Variants in CSMD1 observed in about 807,000 individuals in gnomAD.
CSMD1 encodes the protein CUB and sushi domain-containing protein 1.
CSMD1 carries 213 observed loss-of-function variants against 417.5 expected under a neutral mutation model. That is an observed-to-expected ratio of 0.51 (90% CI 0.46 to 0.57). CSMD1 has a LOEUF of 0.57. Ranked by LOEUF, CSMD1 falls within the 20% of genes least tolerant of loss-of-function variation. The probability of loss-of-function intolerance (pLI) is 0.00; values close to 1 mark genes in which losing one functional copy is unlikely to be tolerated. For missense variants in CSMD1, 6,923 were observed against 4,529.7 expected (o/e 1.53, Z -15.17); for synonymous variants, 2,862 against 1,736.8 (o/e 1.65, Z -16.11).
chr8:4,416,245 A>G (rs915159622), intron 3 of CSMD1, among the ~76,000 whole-genome samples: 3 of 152,194 alleles, frequency 2.0e-5, no homozygotes, highest in African/African-American at 2.4e-5. Flanking sequence ...ATTATGTACA[A>G]AACTTCTATT....
chr8:4,766,426 G>A (rs774554842), intron 1 of CSMD1, among the ~76,000 whole-genome samples: 12 of 152,132 alleles, frequency 7.9e-5, no homozygotes, highest in East Asian at 1.9e-4. Flanking sequence ...GTTCTCCTTC[G>A]ATCACGAATA....
At chr8:3,702,768 G>A (rs1476123711) in intron 7 of CSMD1, among the ~76,000 whole-genome samples, 1 of 152,184 alleles carries the variant, frequency 6.6e-6, no homozygotes, top group South Asian at 2.1e-4. Context: ...GGAGGTGCAG[G>A]TTGCAGTTAG....
At chr8:3,970,810 G>C (rs1813029213) in intron 5 of CSMD1, among the ~76,000 whole-genome samples, 1 of 151,950 alleles carries the variant, frequency 6.6e-6, no homozygotes, top group African/African-American at 2.4e-5. Context: ...TGGAGTCCAG[G>C]GGCACCATCT....
chr8:3,784,187 T>C (rs549594623), intron 5 of CSMD1, among the ~76,000 whole-genome samples: 1 of 152,286 alleles, frequency 6.6e-6, no homozygotes, highest in South Asian at 2.1e-4. Context: ...TGTCACACCT[T>C]GGGAAAGGGG....
chr8:4,624,432 A>G (rs889889091), intron 2 of CSMD1, among the ~76,000 whole-genome samples: 3 of 152,126 alleles, frequency 2.0e-5, no homozygotes, highest in Non-Finnish European at 2.9e-5. Context: ...CCTCTCTGGA[A>G]TTACCAGCAT....
intron 2 of CSMD1, among the ~76,000 whole-genome samples, chr8:4,471,896 C>T (rs1226682754): frequency 1.3e-5 from 2 of 152,080 alleles, no homozygotes; most frequent in Admixed American, 6.5e-5. Context: ...GGGTAGGCTA[C>T]AAAGGTGTTT....
At chr8:3,355,079 A>G (rs553919793) in intron 21 of CSMD1, among the ~76,000 whole-genome samples, 22 of 152,006 alleles carry the variant, frequency 1.4e-4, no homozygotes, top group Admixed American at 3.9e-4. Flanking sequence ...AAAACTGAGG[A>G]TAAGGGTGTT....
chr8:4,378,406 A>G (rs544940555), intron 3 of CSMD1, among the ~76,000 whole-genome samples: 5 of 152,360 alleles, frequency 3.3e-5, no homozygotes, highest in South Asian at 4.1e-4. Flanking sequence ...GTTGGCTTAA[A>G]ACAGAAGAGC....
intron 3 of CSMD1, among the ~76,000 whole-genome samples, chr8:4,138,340 G>C (rs1389656175): frequency 6.6e-6 from 1 of 151,252 alleles, no homozygotes; most frequent in Non-Finnish European, 1.5e-5. Flanking sequence ...TTTGAGTTGT[G>C]GCAAAGCTGG....
chr8:3,287,665 T>C, intron 25 of CSMD1, among the ~76,000 whole-genome samples: 1 of 152,178 alleles, frequency 6.6e-6, no homozygotes, highest in East Asian at 1.9e-4. Context: ...ATCCTGAGAC[T>C]TTGCTGAAGT....
chr8:4,598,560 T>C lies in CSMD1; in HGVS notation c.302+38782A>G, dbSNP rs541010711. ...ATCTGCCAAAAGATGCAAGGAAAACTCCACATTGGTTCAAGATTATAAAAA... is the reference window on the plus strand; with the variant it reads ...ATCTGCCAAAAGATGCAAGGAAAACCCCACATTGGTTCAAGATTATAAAAA... On this transcript the variant is annotated intron_variant, in intron 2 of 69. Coordinates refer to ENST00000635120, the MANE Select transcript of CSMD1 (RefSeq NM_033225.6). Among the ~76,000 whole-genome samples, 3 of 152,318 alleles carry C rather than the reference T, an allele frequency of 2.0e-5. No individual in the cohort carries two copies. In the South Asian group the frequency reaches 6.2e-4, roughly 32 times the overall value.
intron 2 of CSMD1, among the ~76,000 whole-genome samples, chr8:4,506,441 C>A (rs773967639): frequency 6.6e-6 from 1 of 152,130 alleles, no homozygotes; most frequent in Non-Finnish European, 1.5e-5. Flanking sequence ...GCCCAGCAAA[C>A]TTCCCACTCC....
chr8:3,633,023 C>T (rs1174141960), intron 7 of CSMD1, among the ~76,000 whole-genome samples: 1 of 152,206 alleles, frequency 6.6e-6, no homozygotes, highest in Non-Finnish European at 1.5e-5. Flanking sequence ...AGTGAGTGTC[C>T]TACTAACTGA....
intron 3 of CSMD1, among the ~76,000 whole-genome samples, chr8:4,051,235 A>C (rs551342170): frequency 6.6e-6 from 1 of 151,662 alleles, no homozygotes; most frequent in African/African-American, 2.4e-5. Context: ...CTGTGGGAAC[A>C]ATGCCAAGCT....
rs1490546082 is a variant in CSMD1 at position 4,503,922 on chromosome 8, G to C, written c.303-83857C>G. 1.1e-4 allele frequency among the ~76,000 whole-genome samples: 16 copies of C among 149,320 alleles called. No individual in the cohort carries two copies. The Admixed American group carries it at 1.1e-3, about 10-fold the overall frequency. ...GATTCTGCTTCAAAATTAAACCGAG[G>C]TCTGTAATGGAATCATCACATAATC... On this transcript the variant is annotated intron_variant, in intron 2 of 69. Coordinates refer to ENST00000635120, the MANE Select transcript of CSMD1 (RefSeq NM_033225.6).
intron 1 of CSMD1, among the ~76,000 whole-genome samples, chr8:4,969,289 G>A (rs1382987947): frequency 6.6e-6 from 1 of 151,622 alleles, no homozygotes; most frequent in East Asian, 1.9e-4. Context: ...AATTTGCTAG[G>A]GCAAAATATT....
At chr8:3,196,593 C>G (rs1796715397) in intron 33 of CSMD1, among the ~76,000 whole-genome samples, 2 of 152,152 alleles carry the variant, frequency 1.3e-5, no homozygotes. Context: ...CAGCTTCTCA[C>G]CATAGCTTTA....
intron 2 of CSMD1, among the ~76,000 whole-genome samples, chr8:4,561,388 C>T (rs1434053011): frequency 6.6e-6 from 1 of 151,808 alleles, no homozygotes; most frequent in African/African-American, 2.4e-5. Flanking sequence ...CAAAACAAAA[C>T]AAAAAAAATT....
At chr8:3,651,040 C>G (rs1415874715) in intron 7 of CSMD1, among the ~76,000 whole-genome samples, 1 of 152,214 alleles carries the variant, frequency 6.6e-6, no homozygotes, top group Non-Finnish European at 1.5e-5. Flanking sequence ...CATCATACAG[C>G]TTACCCACCA....
Sources: allele counts gnomAD v4.1 joint callset (sites outside exome capture counted in the v4.1 genomes callset), GRCh38; gene constraint gnomAD v4.1.1; transcripts MANE v1.5; gene names NCBI Gene and HGNC (gene_info 2026-07-23, HGNC 2026-07-21).